Variants in NCKAP5 observed in about 807,000 individuals in gnomAD.
The protein encoded by NCKAP5 is NCK associated protein 5, also known as nck-associated protein 5.
A neutral mutation model predicts 167.0 loss-of-function variants in NCKAP5; 92 were observed. The ratio of observed to expected loss-of-function variants is 0.55; its 90% CI spans 0.47 to 0.66. The LOEUF is 0.66. Among genes scored for constraint, NCKAP5 ranks in the 30% least tolerant of loss-of-function variants. The probability of loss-of-function intolerance (pLI) is 0.00; values close to 1 mark genes in which losing one functional copy is unlikely to be tolerated. For missense variants in NCKAP5, 2,378 were observed against 2,315.0 expected, an observed-to-expected ratio of 1.03 and a Z score of -0.56; for synonymous variants, 891 against 877.4, an observed-to-expected ratio of 1.02 and a Z score of -0.27.
intron 3 of NCKAP5, among the ~76,000 whole-genome samples, chr2:133,416,964 G>A (rs560388467): frequency 9.9e-5 from 15 of 152,158 alleles, no homozygotes; most frequent in African/African-American, 3.1e-4. Flanking sequence ...TCTGAGGGTG[G>A]GGCAATGCTT....
chr2:133,617,309 T>C, the NCKAP5 span, among the ~76,000 whole-genome samples: 19 of 152,016 alleles, frequency 1.2e-4, no homozygotes, highest in African/African-American at 4.3e-4. Context: ...CCAGGGCAAT[T>C]AGGCAGGAGA....
chr2:133,524,609 C>A (rs998698562), intron 2 of NCKAP5, among the ~76,000 whole-genome samples: 2 of 152,184 alleles, frequency 1.3e-5, no homozygotes, highest in Non-Finnish European at 2.9e-5. Flanking sequence ...CCCAAACCCA[C>A]GACCTCCTTT....
At chr2:132,824,681 G>C (rs1687000965) in intron 11 of NCKAP5, among the ~76,000 whole-genome samples, 1 of 152,120 alleles carries the variant, frequency 6.6e-6, no homozygotes, top group Non-Finnish European at 1.5e-5. Context: ...GGTTGGGTGG[G>C]GCCCTGTGAC....
intron 6 of NCKAP5, among the ~76,000 whole-genome samples, chr2:133,114,056 A>G (rs538579167): frequency 1.3e-5 from 2 of 152,334 alleles, no homozygotes; most frequent in Non-Finnish European, 2.9e-5. Flanking sequence ...ACTTGTATAT[A>G]TTTAGACCCG....
chr2:133,620,388 A>G, the NCKAP5 span, among the ~76,000 whole-genome samples: 1 of 152,106 alleles, frequency 6.6e-6, no homozygotes, highest in Non-Finnish European at 1.5e-5. Flanking sequence ...CACCTAACAA[A>G]TAAGGACTCA....
At chr2:132,781,431 A>C (rs1010633115) in intron 14 of NCKAP5, among the ~76,000 whole-genome samples, 12 of 152,230 alleles carry the variant, frequency 7.9e-5, no homozygotes, top group Non-Finnish European at 1.5e-4. Flanking sequence ...ACAATATCAT[A>C]ATGTATTTTT....
At chr2:133,276,111 G>A (rs775147141) in intron 4 of NCKAP5, among the ~76,000 whole-genome samples, 3 of 151,766 alleles carry the variant, frequency 2.0e-5, no homozygotes, top group Non-Finnish European at 4.4e-5. Flanking sequence ...GATGATCCAC[G>A]TCCATTTCAT....
chr2:132,723,753 G>T (rs1690179878), intron 19 of NCKAP5, among the ~76,000 whole-genome samples: 1 of 152,174 alleles, frequency 6.6e-6, no homozygotes, highest in South Asian at 2.1e-4. Context: ...TCACTGTGTG[G>T]AGTGCAACCA....
intron 3 of NCKAP5, among the ~76,000 whole-genome samples, chr2:133,408,394 T>C (rs993908973): frequency 2.6e-5 from 4 of 152,206 alleles, no homozygotes; most frequent in Non-Finnish European, 5.9e-5. Flanking sequence ...AGTATACTTA[T>C]ATGGTCCCTG....
intron 16 of NCKAP5, among the ~76,000 whole-genome samples, chr2:132,768,024 C>T (rs891379228): frequency 6.6e-6 from 1 of 152,212 alleles, no homozygotes; most frequent in Non-Finnish European, 1.5e-5. Context: ...GCAGAAGAGA[C>T]TAGGAGTACA....
chr2:133,605,572 C>T, the NCKAP5 span, among the ~76,000 whole-genome samples: 1 of 152,186 alleles, frequency 6.6e-6, no homozygotes, highest in Non-Finnish European at 1.5e-5. Context: ...ACCACAGTCC[C>T]TGAATTAGTC....
At chr2:133,476,123 T>A (rs1304223297) in intron 3 of NCKAP5, among the ~76,000 whole-genome samples, 1 of 152,216 alleles carries the variant, frequency 6.6e-6, no homozygotes, top group African/African-American at 2.4e-5. Flanking sequence ...AGCAGTTAAA[T>A]AGAAAGTTAA....
At chr2:132,980,643 T>C (rs569826959) in intron 7 of NCKAP5, among the ~76,000 whole-genome samples, 291 of 152,274 alleles carry the variant, frequency 1.9e-3, no homozygotes, top group Middle Eastern at 0.01. Context: ...GCCCTTTCTA[T>C]TTCAAAAGGT....
chr2:132,964,433 C>A (rs941837346), intron 7 of NCKAP5, among the ~76,000 whole-genome samples: 1 of 152,160 alleles, frequency 6.6e-6, no homozygotes, highest in Admixed American at 6.5e-5. Context: ...GTTCAGCATT[C>A]GTACTATGGC....
chr2:133,403,243 AAAG>A (rs1688212088), intron 3 of NCKAP5, among the ~76,000 whole-genome samples: 2 of 152,258 alleles, frequency 1.3e-5, no homozygotes, highest in Admixed American at 6.5e-5. Context: ...TTCATTTTAC[AAAG>A]AAGTAATTAT....
At chr2:133,459,447 G>T (rs1308892651) in intron 3 of NCKAP5, among the ~76,000 whole-genome samples, 2 of 152,134 alleles carry the variant, frequency 1.3e-5, no homozygotes, top group Non-Finnish European at 1.5e-5. Flanking sequence ...GGGCCTATCA[G>T]AGGAGGCTCA....
chr2:133,071,465 AC>A (rs1344537583), intron 6 of NCKAP5, among the ~76,000 whole-genome samples: 2 of 151,972 alleles, frequency 1.3e-5, no homozygotes, highest in African/African-American at 2.4e-5. Context: ...AAACAAACAA[AC>A]AAAAAAAAAT....
At position 132,785,622 on chromosome 2, in the gene NCKAP5, T is replaced by C; in HGVS notation, c.1189A>G (p.Lys397Glu). 1.9e-6 allele frequency: 3 copies of C among 1,560,280 alleles called. No homozygotes were observed. The South Asian group carries it at 3.7e-5, about 19-fold the overall frequency. The change falls in exon 14 of 20, where the codon AAG (lysine) becomes GAG (glutamate). Residue 397 changes from lysine to glutamate, a missense_variant. Physicochemically the swap from Lys to Glu is moderately conservative, Grantham distance 56 (BLOSUM62 1). This residue lies in a region of NCKAP5 where 1,049 missense variants were observed against 1,023.4 expected (regional missense o/e 1.02). Coordinates refer to ENST00000409261, the MANE Select transcript of NCKAP5 (RefSeq NM_207363.3). ...AGCCCTTCCAAAATGTGGCTTTCCTTGATACGAGTTGGAGGTAGTTCATTT... is the reference window on the plus strand; with the variant it reads ...AGCCCTTCCAAAATGTGGCTTTCCTCGATACGAGTTGGAGGTAGTTCATTT... ...PTNELPPTRI[K>E]ESHILEGLRK...
At chr2:132,810,547 C>T (rs941135759) in intron 11 of NCKAP5, among the ~76,000 whole-genome samples, 2 of 152,016 alleles carry the variant, frequency 1.3e-5, no homozygotes, top group Admixed American at 1.3e-4. Flanking sequence ...TTTCTTTCTT[C>T]TACTTGTTCA....
Sources: gnomAD v4.1 joint callset for allele counts (sites outside exome capture counted in the v4.1 genomes callset) on GRCh38, gnomAD v4.1.1 for gene constraint, gnomAD v4.1.1 regional missense constraint, MANE v1.5 for transcripts, NCBI Gene and HGNC (gene_info 2026-07-23, HGNC 2026-07-21) for gene names.